The following AURKA variants were observed in gnomAD, a reference collection of about 807,000 sequenced individuals.
The protein encoded by AURKA is aurora kinase A.
A neutral mutation model predicts 40.9 loss-of-function variants in AURKA; 12 were observed. The ratio of observed to expected loss-of-function variants is 0.29; its 90% CI spans 0.19 to 0.48. AURKA has a LOEUF of 0.48. Ranked by LOEUF, AURKA falls within the 20% of genes least tolerant of loss-of-function variation. The pLI, the probability that AURKA is intolerant of heterozygous loss-of-function variation, is 0.99. For synonymous variants in AURKA, 170 were observed against 164.3 expected (o/e 1.03, Z -0.26); for missense variants, 322 against 462.1 (o/e 0.70, Z 2.78).
chr20:56,377,648 A>G (rs1985105009), intron 6 of AURKA, among the ~76,000 whole-genome samples: 1 of 151,980 alleles, frequency 6.6e-6, no homozygotes, highest in Non-Finnish European at 1.5e-5. Flanking sequence ...TTAGCTGGGC[A>G]TGGTGGCACG....
At position 56,391,029 on chromosome 20, in the gene AURKA, G is replaced by A. The variant is rs557626084; in HGVS notation, c.-6+1139C>T. Reference sequence around the variant, plus strand: ...AATAAGATTCTAATCCAGAATTCTGGAGACAACGCCAAGGAGACTGCCCTT... The same window carrying A: ...AATAAGATTCTAATCCAGAATTCTGAAGACAACGCCAAGGAGACTGCCCTT... On this transcript the variant is annotated intron_variant, in intron 1 of 8. Coordinates refer to ENST00000395915, the MANE Select transcript of AURKA (RefSeq NM_198437.3). Among the ~76,000 whole-genome samples the A allele has an allele frequency of 1.3e-4, 20 of 152,274 alleles. No homozygotes were observed. In the South Asian group the frequency reaches 3.9e-3, roughly 30 times the overall value.
At position 56,369,488 on chromosome 20, in the gene AURKA, G is replaced by C. The variant is rs1036299674; in HGVS notation, c.*670C>G. 8.4e-6 allele frequency: 2 copies of C among 239,316 alleles called. No homozygotes were observed. Among genetic ancestry groups the C allele is most frequent in the Non-Finnish European group, 1.6e-5 (2 of 121,248 alleles). The allele number at this position is 239,316 out of a possible 1,614,324, so 14.8% of individuals were successfully genotyped here. On this transcript the variant is annotated 3_prime_UTR_variant, in exon 9 of 9. Transcript: ENST00000395915. ...GCCCTTAACAGCTCTGAGACACATG[G>C]CCTCTTCTGTATCCCAAGCAAATCC...
intron 7 of AURKA, among the ~76,000 whole-genome samples, chr20:56,371,630 CCA>C (rs1158631727): frequency 6.7e-6 from 1 of 148,158 alleles, no homozygotes; most frequent in African/African-American, 2.6e-5. Flanking sequence ...GACAATCCAA[CCA>C]CAGAGACAGT....
At chr20:56,371,773 G>A (rs1480530661) in intron 7 of AURKA, among the ~76,000 whole-genome samples, 3 of 152,152 alleles carry the variant, frequency 2.0e-5, no homozygotes, top group Non-Finnish European at 4.4e-5. Flanking sequence ...GGAGAAATCT[G>A]AATGTGGACT....
At chr20:56,374,587 T>G (rs1984679384) in intron 6 of AURKA, among the ~76,000 whole-genome samples, 1 of 152,110 alleles carries the variant, frequency 6.6e-6, no homozygotes, top group African/African-American at 2.4e-5. Flanking sequence ...TAATTTTATT[T>G]CCTTAAGTTA....
At chr20:56,385,752 C>T (rs746480184) in intron 3 of AURKA, among the ~76,000 whole-genome samples, 2 of 152,120 alleles carry the variant, frequency 1.3e-5, no homozygotes, top group South Asian at 2.1e-4. Context: ...TGAGCCACTG[C>T]GCCTGGCCTT....
chr20:56,384,215 C>A, intron 4 of AURKA, 55 bp downstream of exon 4: 1 of 1,456,268 alleles, frequency 6.9e-7, no homozygotes, highest in South Asian at 1.2e-5. Context: ...AAATTTGCAA[C>A]GAAATAATAT....
chr20:56,387,104 G>A (rs1332832425), intron 2 of AURKA, among the ~76,000 whole-genome samples: 3 of 152,066 alleles, frequency 2.0e-5, no homozygotes, highest in African/African-American at 4.8e-5. Context: ...GCAAAAAACT[G>A]ACAAAGAGGA....
Position 56,386,612 on chromosome 20 carries a change from T to C in AURKA, c.43-79A>G, listed in dbSNP as rs1379819767. Reference sequence around the variant, plus strand: ...TATATTGAGAATTTCACAAAGTTTGTTCTCTAGTATAGCAAAATAATGAAT... The same window carrying C: ...TATATTGAGAATTTCACAAAGTTTGCTCTCTAGTATAGCAAAATAATGAAT... On this transcript the variant is annotated intron_variant, in intron 2 of 8. Transcript: ENST00000395915. The C allele has an allele frequency of 3.3e-6, 5 of 1,520,864 alleles. No homozygotes were observed. The African/African-American group carries it at 4.1e-5, about 13-fold the overall frequency. The allele number at this position is 1,520,864 out of a possible 1,614,324, so 94.2% of individuals were successfully genotyped here. A position where few individuals can be genotyped will look rare whatever the true frequency, so the allele number is the denominator to read the frequency against.
chr20:56,387,746 G>A (rs1986546473), intron 2 of AURKA, among the ~76,000 whole-genome samples: 1 of 152,132 alleles, frequency 6.6e-6, no homozygotes, highest in South Asian at 2.1e-4. Flanking sequence ...TTCAGACAAA[G>A]ACAAATAAAA....
At chr20:56,382,645 C>G (rs1985863867) in intron 5 of AURKA, among the ~76,000 whole-genome samples, 1 of 151,382 alleles carries the variant, frequency 6.6e-6, no homozygotes, top group Non-Finnish European at 1.5e-5. Flanking sequence ...CTTAAGTGCT[C>G]TTTGAAAGAT....
intron 3 of AURKA, among the ~76,000 whole-genome samples, chr20:56,385,801 G>A (rs1295207770): frequency 6.6e-6 from 1 of 152,090 alleles, no homozygotes; most frequent in African/African-American, 2.4e-5. Flanking sequence ...TCCCTTCTGA[G>A]TTCAAAAAAG....
At chr20:56,386,192 A>T in intron 3 of AURKA, 65 bp downstream of exon 3, 1 of 1,590,930 alleles carries the variant, frequency 6.3e-7, no homozygotes, top group Non-Finnish European at 8.6e-7. Context: ...GCAAGTATAT[A>T]CACTGGCTTT....
intron 7 of AURKA, among the ~76,000 whole-genome samples, chr20:56,372,034 A>G (rs186481572): frequency 6.6e-6 from 1 of 152,324 alleles, no homozygotes; most frequent in East Asian, 1.9e-4. Flanking sequence ...CCGCATTTTT[A>G]TCGGTTTAGG....
At chr20:56,383,624 G>A (rs947510947) in intron 4 of AURKA, among the ~76,000 whole-genome samples, 6 of 152,250 alleles carry the variant, frequency 3.9e-5, no homozygotes, top group African/African-American at 1.4e-4. Flanking sequence ...CTCTGGTGGT[G>A]GAGACAGAGC....
intron 1 of AURKA, among the ~76,000 whole-genome samples, chr20:56,389,276 A>C (rs1986755605): frequency 6.6e-6 from 1 of 152,074 alleles, no homozygotes; most frequent in South Asian, 2.1e-4. Flanking sequence ...CTCAGCTCTA[A>C]ATGCCTTCAT....
rs766299804 is a variant in AURKA at position 56,384,257 on chromosome 20, T to C, written c.374+13A>G. 9 of 1,588,892 alleles carry C rather than the reference T, an allele frequency of 5.7e-6. No individual in the cohort carries two copies. In the African/African-American group the frequency reaches 9.4e-5, roughly 17 times the overall value. On this transcript the variant is annotated intron_variant, in intron 4 of 8. Coordinates refer to ENST00000395915, the MANE Select transcript of AURKA (RefSeq NM_198437.3). ...GTAGAACAGTACAGAACTTTGTAAA[T>C]AAGAAAGCTTACTTTTTTGATTCTT...
At chr20:56,379,288 G>A (rs1182606799) in intron 6 of AURKA, among the ~76,000 whole-genome samples, 1 of 152,208 alleles carries the variant, frequency 6.6e-6, no homozygotes, top group African/African-American at 2.4e-5. Flanking sequence ...AATTGAATAA[G>A]TAAAAGGATG....
Position 56,384,707 on chromosome 20 carries a change from C to T in AURKA, c.320-383G>A, listed in dbSNP as rs116602045. On this transcript the variant is annotated intron_variant, in intron 3 of 8. Coordinates refer to ENST00000395915, the MANE Select transcript of AURKA (RefSeq NM_198437.3). Reference sequence around the variant, plus strand: ...ACCTTTTTCCCCTTACTAGGTGGGCCAGCCAACAGTCCATACCCTACATAC... The same window carrying T: ...ACCTTTTTCCCCTTACTAGGTGGGCTAGCCAACAGTCCATACCCTACATAC... Among the ~76,000 whole-genome samples, 799 of 152,210 alleles carry T rather than the reference C, an allele frequency of 5.2e-3. 11 individuals are homozygous for T. The highest frequency in any genetic ancestry group is 0.018 in the African/African-American group (767 of 41,516).
Sources: allele counts gnomAD v4.1 joint callset (sites outside exome capture counted in the v4.1 genomes callset), GRCh38; gene constraint gnomAD v4.1.1; transcripts MANE v1.5; gene names NCBI Gene and HGNC (gene_info 2026-07-23, HGNC 2026-07-21).